PLPP1: variants seen among roughly 807,000 people sequenced by gnomAD.
PLPP1 encodes phospholipid phosphatase 1, also known as lipid phosphate phosphohydrolase 1a.
A neutral mutation model predicts 31.2 loss-of-function variants in PLPP1; 24 were observed. The observed-to-expected ratio is 0.77, with a 90% confidence interval of 0.56 to 1.08. The LOEUF is 1.08. Among genes scored for constraint, PLPP1 ranks in the 50% least tolerant of loss-of-function variants. The pLI is 0.00. For synonymous variants in PLPP1, 146 were observed against 126.3 expected (o/e 1.16, Z -1.05); for missense variants, 319 against 342.7 (o/e 0.93, Z 0.55).
At chr5:55,532,436 T>C (rs1433820650) in intron 1 of PLPP1, among the ~76,000 whole-genome samples, 1 of 152,218 alleles carries the variant, frequency 6.6e-6, no homozygotes, top group Non-Finnish European at 1.5e-5. Flanking sequence ...GTGGCAATGA[T>C]AGGATAATAT....
At chr5:55,501,712 C>A (rs1309061302) in intron 1 of PLPP1, among the ~76,000 whole-genome samples, 1 of 152,180 alleles carries the variant, frequency 6.6e-6, no homozygotes, top group African/African-American at 2.4e-5. Flanking sequence ...CCATGTTGGC[C>A]AGGCTGGTCT....
At chr5:55,472,214 C>A (rs547125840) in intron 2 of PLPP1, among the ~76,000 whole-genome samples, 3 of 152,294 alleles carry the variant, frequency 2.0e-5, no homozygotes, top group Non-Finnish European at 2.9e-5. Context: ...TACCTTTAAA[C>A]AATCTGTTCT....
chr5:55,459,092 T>C (rs191959869), intron 3 of PLPP1, among the ~76,000 whole-genome samples: 267 of 151,888 alleles, frequency 1.8e-3, no homozygotes, highest in African/African-American at 6.2e-3. Context: ...GTTTTACTTA[T>C]AGAAAAATAT....
intron 3 of PLPP1, among the ~76,000 whole-genome samples, chr5:55,467,232 G>C (rs1178028893): frequency 6.6e-6 from 1 of 152,188 alleles, no homozygotes; most frequent in Non-Finnish European, 1.5e-5. Flanking sequence ...GACTAGATCA[G>C]GGTTCGGCAA....
At chr5:55,533,532 T>C (rs932529094) in intron 1 of PLPP1, among the ~76,000 whole-genome samples, 1 of 152,120 alleles carries the variant, frequency 6.6e-6, no homozygotes, top group Non-Finnish European at 1.5e-5. Context: ...ACTACTGGAT[T>C]AAAACCGAGG....
At chr5:55,499,252 T>C (rs1753066795) in intron 1 of PLPP1, among the ~76,000 whole-genome samples, 1 of 152,208 alleles carries the variant, frequency 6.6e-6, no homozygotes. Context: ...CACTCCATGA[T>C]ACACATGTTG....
At chr5:55,474,088 C>T (rs1752484829) in intron 2 of PLPP1, among the ~76,000 whole-genome samples, 1 of 151,500 alleles carries the variant, frequency 6.6e-6, no homozygotes, top group South Asian at 2.1e-4. Context: ...CCTCTGCCTC[C>T]TAGGTTCAAG....
chr5:55,482,159 A>G (rs1455421355), intron 1 of PLPP1, among the ~76,000 whole-genome samples: 2 of 148,960 alleles, frequency 1.3e-5, no homozygotes. Context: ...GGAGATATAC[A>G]TATCTCATAC....
At chr5:55,464,259 G>C (rs1462364772) in intron 3 of PLPP1, among the ~76,000 whole-genome samples, 1 of 143,040 alleles carries the variant, frequency 7.0e-6, no homozygotes, top group African/African-American at 2.6e-5. Context: ...TTTTTAAGAA[G>C]CAGTCTTGTT....
intron 1 of PLPP1, among the ~76,000 whole-genome samples, chr5:55,524,813 C>T (rs913984589): frequency 9.2e-5 from 14 of 151,442 alleles, no homozygotes; most frequent in African/African-American, 3.2e-4. Flanking sequence ...TACGTCCCCC[C>T]CCAAAAAAAA....
chr5:55,429,814 C>A lies in PLPP1; in HGVS notation c.550-3775G>T, dbSNP rs186064586. 1.3e-3 allele frequency among the ~76,000 whole-genome samples: 204 copies of A among 152,210 alleles called. 2 individuals carry two copies. The Middle Eastern group carries it at 0.024, about 18-fold the overall frequency. On this transcript the variant is annotated intron_variant, in intron 4 of 5. Coordinates refer to ENST00000307259, the MANE Select transcript of PLPP1 (RefSeq NM_003711.4). Reference sequence around the variant, plus strand: ...GCAGAGCCACTGTGCATTGTCAAGCCTGATTACAGGCTACCCTGTCCTGCA... The same window carrying A: ...GCAGAGCCACTGTGCATTGTCAAGCATGATTACAGGCTACCCTGTCCTGCA...
intron 1 of PLPP1, among the ~76,000 whole-genome samples, chr5:55,497,673 C>T (rs1020301820): frequency 1.3e-5 from 2 of 152,122 alleles, no homozygotes; most frequent in Non-Finnish European, 2.9e-5. Flanking sequence ...CAGCAGGAAA[C>T]AGATAGCACC....
intron 4 of PLPP1, among the ~76,000 whole-genome samples, chr5:55,441,447 G>T (rs569994841): frequency 6.6e-6 from 1 of 152,166 alleles, no homozygotes; most frequent in Non-Finnish European, 1.5e-5. Context: ...TAGGAACAAG[G>T]ACAGCTGCCT....
At chr5:55,510,212 A>T (rs576374231) in intron 1 of PLPP1, among the ~76,000 whole-genome samples, 1 of 152,384 alleles carries the variant, frequency 6.6e-6, no homozygotes, top group East Asian at 1.9e-4. Context: ...TAACATTTAC[A>T]TCACAGTACT....
At chr5:55,502,653 G>A (rs1287356904) in intron 1 of PLPP1, among the ~76,000 whole-genome samples, 1 of 152,072 alleles carries the variant, frequency 6.6e-6, no homozygotes, top group African/African-American at 2.4e-5. Context: ...TGCAGCTAAT[G>A]GATCTCATGC....
intron 1 of PLPP1, among the ~76,000 whole-genome samples, chr5:55,519,141 C>T (rs1222842412): frequency 6.6e-6 from 1 of 152,142 alleles, no homozygotes; most frequent in Admixed American, 6.5e-5. Flanking sequence ...CTGAGAACTG[C>T]ATTCATACTG....
chr5:55,532,369 G>A (rs1740699629), intron 1 of PLPP1, among the ~76,000 whole-genome samples: 2 of 151,960 alleles, frequency 1.3e-5, no homozygotes, highest in South Asian at 4.1e-4. Context: ...CAAATTGATC[G>A]AACTCCCACA....
chr5:55,530,919 C>CCGATGGTGACATGGTGACAG (rs1397361509), intron 1 of PLPP1, among the ~76,000 whole-genome samples: 3 of 151,942 alleles, frequency 2.0e-5, no homozygotes, highest in African/African-American at 7.3e-5. Flanking sequence ...GGCAGCGGCC[C>CCGATGGTGACATGGTGACAG]CGATGGTGAC....
intron 1 of PLPP1, among the ~76,000 whole-genome samples, chr5:55,505,308 G>A (rs74429834): frequency 0.12 from 18,347 of 151,670 alleles, 1,147 homozygotes; most frequent in Middle Eastern, 0.16. Context: ...AAAAGTAGAC[G>A]TTAGGCCAGT....
Sources: gnomAD v4.1 joint callset for allele counts (sites outside exome capture counted in the v4.1 genomes callset) on GRCh38, gnomAD v4.1.1 for gene constraint, MANE v1.5 for transcripts, NCBI Gene and HGNC (gene_info 2026-07-23, HGNC 2026-07-21) for gene names.